The following ESRRB variants were observed in gnomAD, a reference collection of about 807,000 sequenced individuals.
The protein encoded by ESRRB is estrogen related receptor beta.
ESRRB carries 16 observed loss-of-function variants against 46.0 expected under a neutral mutation model. That is an observed-to-expected ratio of 0.35 (90% confidence interval 0.24 to 0.53). The LOEUF is 0.53. Ranked by LOEUF, ESRRB falls within the 20% of genes least tolerant of loss-of-function variation. The probability of loss-of-function intolerance (pLI) is 0.93; values close to 1 mark genes in which losing one functional copy is unlikely to be tolerated. For missense variants in ESRRB, 488 were observed against 607.4 expected (o/e 0.80, Z 2.07); for synonymous variants, 246 against 259.6 (o/e 0.95, Z 0.50).
chr14:76,482,534 AG>A lies in ESRRB; in HGVS notation c.689-63del. On this transcript the variant is annotated intron_variant, in intron 4 of 6. Coordinates refer to ENST00000644823, the MANE Select transcript of ESRRB (RefSeq NM_001379180.1). The surrounding 1 kb of genome is among the most constrained non-coding windows in gnomAD (Gnocchi z 4.3). ...CCAACTTTGCTTCCTGACCCATCTG[AG>A]CCTCCACCCCGGCCCCTTTCCTCTT... 1.3e-6 allele frequency: 2 copies of A among 1,591,086 alleles called. No individual in the cohort carries two copies. Among genetic ancestry groups the A allele is most frequent in the Non-Finnish European group, 8.6e-7 (1 of 1,160,366 alleles).
chr14:76,383,832 G>A (rs894320211), intron 1 of ESRRB, among the ~76,000 whole-genome samples: 15 of 152,170 alleles, frequency 9.9e-5, no homozygotes, highest in African/African-American at 1.4e-4. Context: ...GCTGGCTCAC[G>A]TTTTGGTGAA....
chr14:76,486,342 A>C (rs151302343), intron 5 of ESRRB, among the ~76,000 whole-genome samples: 543 of 152,206 alleles, frequency 3.6e-3, no homozygotes, highest in African/African-American at 0.012. Context: ...GCATCCCCAG[A>C]GGCCTCCTCA....
intron 2 of ESRRB, among the ~76,000 whole-genome samples, chr14:76,453,357 C>T (rs1458843559): frequency 6.6e-6 from 1 of 152,130 alleles, no homozygotes; most frequent in African/African-American, 2.4e-5. Context: ...CTCAAACGCA[C>T]CTCAAAAGTT....
chr14:76,498,968 TC>T lies in ESRRB; in HGVS notation c.*511del. On this transcript the variant is annotated 3_prime_UTR_variant, in exon 7 of 7. Transcript: ENST00000644823. ...AGAGGTCCTACCTGCTCTGAGATCC[TC>T]TGGGGCCGGTCAAGAGGCCCCATAC... 2 of 428,716 alleles carry T rather than the reference TC, an allele frequency of 4.7e-6. No individual in the cohort carries two copies. Among genetic ancestry groups the T allele is most frequent in the East Asian group, 1.2e-4 (2 of 16,842 alleles). The allele number at this position is 428,716 out of a possible 1,614,324, so 26.6% of individuals were successfully genotyped here.
At chr14:76,336,042 A>T (rs938920385) in intron 1 of ESRRB, among the ~76,000 whole-genome samples, 1 of 152,192 alleles carries the variant, frequency 6.6e-6, no homozygotes, top group Admixed American at 6.5e-5. Flanking sequence ...ATAAACCCAA[A>T]CACTCTGGCC....
At chr14:76,379,839 A>G (rs1033127545) in intron 1 of ESRRB, among the ~76,000 whole-genome samples, 38 of 143,812 alleles carry the variant, frequency 2.6e-4, no homozygotes, top group Non-Finnish European at 4.2e-4. Flanking sequence ...GATAATGAGG[A>G]CATATGAAAA....
chr14:76,413,883 CGCCCCTGCACCGTCCCCT>C (rs1475573082), intron 1 of ESRRB, among the ~76,000 whole-genome samples: 5 of 134,204 alleles, frequency 3.7e-5, no homozygotes, highest in Admixed American at 1.5e-4. Flanking sequence ...CACCGTCCCC[CGCCCCTGCACCGTCCCCT>C]GCCCCTGCAC....
intron 3 of ESRRB, among the ~76,000 whole-genome samples, chr14:76,469,938 T>G (rs1178739945): frequency 1.9e-4 from 23 of 122,734 alleles, no homozygotes; most frequent in African/African-American, 6.5e-4. Context: ...TGTTTTTTTT[T>G]TTTTTCTTTT....
chr14:76,453,205 G>C (rs763303834), intron 2 of ESRRB, among the ~76,000 whole-genome samples: 15 of 152,244 alleles, frequency 9.9e-5, no homozygotes, highest in Non-Finnish European at 2.2e-4. Flanking sequence ...AGGAGCATAG[G>C]AGGGGCCTTG....
chr14:76,446,352 GT>G (rs72096180), intron 2 of ESRRB, among the ~76,000 whole-genome samples: 1 of 149,874 alleles, frequency 6.7e-6, no homozygotes, highest in Admixed American at 6.7e-5. Context: ...TGAAAGGGAG[GT>G]TTTTTTCTGT....
chr14:76,397,359 C>A (rs1196600423), intron 1 of ESRRB, among the ~76,000 whole-genome samples: 4 of 152,164 alleles, frequency 2.6e-5, no homozygotes, highest in Non-Finnish European at 5.9e-5. Context: ...CAGGGCCAGT[C>A]TGGGCAGCAG....
At chr14:76,326,465 A>G (rs934594226) in intron 1 of ESRRB, among the ~76,000 whole-genome samples, 3 of 152,138 alleles carry the variant, frequency 2.0e-5, no homozygotes, top group Non-Finnish European at 2.9e-5. Context: ...GTCTGTGCAA[A>G]GGGAACAATA....
chr14:76,374,682 C>T (rs1274952117), upstream of ESRRB, among the ~76,000 whole-genome samples: 1 of 152,062 alleles, frequency 6.6e-6, no homozygotes, highest in East Asian at 1.9e-4. Context: ...CATCCCTGCA[C>T]CCCTCTTTCT....
At chr14:76,426,468 A>G (rs1042729768) in intron 1 of ESRRB, among the ~76,000 whole-genome samples, 7 of 152,222 alleles carry the variant, frequency 4.6e-5, no homozygotes, top group Non-Finnish European at 7.3e-5. Context: ...TCTCAGCTAC[A>G]CTTATTTATC....
chr14:76,462,412 G>A (rs1888904785), intron 2 of ESRRB, 133 bp from the exon 3 acceptor site: 1 of 699,542 alleles, frequency 1.4e-6, no homozygotes, highest in Non-Finnish European at 2.6e-6. Context: ...GCACCTCAGA[G>A]CACCTGCTTT....
At chr14:76,468,926 C>T (rs1164306213) in intron 3 of ESRRB, among the ~76,000 whole-genome samples, 3 of 152,076 alleles carry the variant, frequency 2.0e-5, no homozygotes, top group African/African-American at 7.2e-5. Context: ...TCAAATGGGA[C>T]ACATCTTACC....
At chr14:76,327,143 G>A (rs1439290528) in intron 1 of ESRRB, among the ~76,000 whole-genome samples, 1 of 152,228 alleles carries the variant, frequency 6.6e-6, no homozygotes, top group Admixed American at 6.5e-5. Flanking sequence ...CCCAGCCTGT[G>A]CCAATGGTTG....
At chr14:76,449,921 A>T (rs981706610) in intron 2 of ESRRB, among the ~76,000 whole-genome samples, 1 of 151,994 alleles carries the variant, frequency 6.6e-6, no homozygotes, top group African/African-American at 2.4e-5. Flanking sequence ...ATGCCCGGCT[A>T]ATTTATTTTT....
chr14:76,456,524 G>A (rs549191847), intron 2 of ESRRB, among the ~76,000 whole-genome samples: 3 of 152,200 alleles, frequency 2.0e-5, no homozygotes, highest in Non-Finnish European at 4.4e-5. Flanking sequence ...CAGGTATCAG[G>A]AAGTAGGATG....
Sources: allele counts gnomAD v4.1 joint callset (sites outside exome capture counted in the v4.1 genomes callset), GRCh38; gene constraint gnomAD v4.1.1; non-coding constraint Gnocchi (gnomAD v3.1); transcripts MANE v1.5; gene names NCBI Gene and HGNC (gene_info 2026-07-23, HGNC 2026-07-21).